The following PIEZO2 variants were observed in gnomAD, a reference collection of about 807,000 sequenced individuals.
The protein encoded by PIEZO2 is piezo-type mechanosensitive ion channel component 2.
Under a neutral mutation model 337.3 loss-of-function variants are expected in PIEZO2, and 172 were observed. The observed-to-expected ratio is 0.51, with a 90% CI of 0.45 to 0.58. The LOEUF is 0.58. Among genes scored for constraint, PIEZO2 ranks in the 20% least tolerant of loss-of-function variants. The pLI, the probability that PIEZO2 is intolerant of heterozygous loss-of-function variation, is 0.00. For synonymous variants in PIEZO2, 1,251 were observed against 1,228.5 expected, an observed-to-expected ratio of 1.02 and a Z score of -0.38; for missense variants, 3,028 against 3,391.3, an observed-to-expected ratio of 0.89 and a Z score of 2.66.
chr18:10,679,051 G>A (rs2034147840), intron 52 of PIEZO2, among the ~76,000 whole-genome samples: 1 of 151,226 alleles, frequency 6.6e-6, no homozygotes, highest in African/African-American at 2.4e-5. Flanking sequence ...TCCTGCCTCA[G>A]CCTCCTGAGT....
intron 29 of PIEZO2, among the ~76,000 whole-genome samples, chr18:10,749,424 C>T (rs558324429): frequency 2.6e-5 from 4 of 152,198 alleles, no homozygotes; most frequent in Admixed American, 1.3e-4. Context: ...GATTGTGCCA[C>T]TGTAGTTCAG....
In PIEZO2 at chr18:10,747,623, G is replaced by T. The variant is rs549407765; in HGVS notation, c.4424+848C>A. Among the ~76,000 whole-genome samples the T allele has an allele frequency of 3.9e-5, 6 of 152,266 alleles. No homozygotes were observed. The East Asian group carries it at 1.2e-3, about 29-fold the overall frequency. On this transcript the variant is annotated intron_variant, in intron 30 of 55. Coordinates refer to ENST00000674853, the MANE Select transcript of PIEZO2 (RefSeq NM_001378183.1). ...ACAAGGCTCTTCTGACTAACTGCAG[G>T]TCCCCGACTAGGGCCTCTTTCTATT...
intron 1 of PIEZO2, among the ~76,000 whole-genome samples, chr18:11,145,764 G>A (rs144872084): frequency 2.0e-5 from 3 of 151,920 alleles, no homozygotes; most frequent in Non-Finnish European, 4.4e-5. Context: ...ATCCCTGTAA[G>A]TAAGTATCAT....
chr18:10,883,813 C>CCTCTTTTTTT (rs2042494078), intron 4 of PIEZO2, among the ~76,000 whole-genome samples: 1 of 54,862 alleles, frequency 1.8e-5, no homozygotes, highest in Non-Finnish European at 3.4e-5. Context: ...ATGAGTCCTA[C>CCTCTTTTTTT]TTCTTTTTTT....
rs575881845 is a variant in PIEZO2, at chr18:10,830,571, A to C, written c.918-23297T>G. Reference sequence around the variant, plus strand: ...TTAAATCTAAGACCTCAAGCTATAAAACTACTAAAAGAAAACATTGGGAAA... The same window carrying C: ...TTAAATCTAAGACCTCAAGCTATAACACTACTAAAAGAAAACATTGGGAAA... On this transcript the variant is annotated intron_variant, in intron 7 of 55. Transcript: ENST00000674853. The surrounding 1 kb of genome is among the most constrained non-coding windows in gnomAD (Gnocchi z 4.7). 6.6e-6 allele frequency among the ~76,000 whole-genome samples: 1 copy of C among 152,036 alleles called. No homozygotes were observed. The highest frequency in any genetic ancestry group is 1.5e-5 in the Non-Finnish European group (1 of 68,004).
At position 11,132,046 on chromosome 18, in the gene PIEZO2, G is replaced by A. The variant is rs116691620; in HGVS notation, c.64+16479C>T. 6.6e-6 allele frequency among the ~76,000 whole-genome samples: 1 copy of A among 152,138 alleles called. No individual in the cohort carries two copies. The highest frequency in any genetic ancestry group is 2.1e-4 in the South Asian group (1 of 4,824). On this transcript the variant is annotated intron_variant, in intron 1 of 55. Transcript: ENST00000674853. This position sits in a 1 kb window ranked among gnomAD's most constrained non-coding sequence, Gnocchi z 4.7. ...CAGCAGAGACCAATACTGAGCCCTCGATATGTCACCTTTCCTCAGGGTGAT... is the reference window on the plus strand; with the variant it reads ...CAGCAGAGACCAATACTGAGCCCTCAATATGTCACCTTTCCTCAGGGTGAT...
chr18:11,075,167 G>A (rs1378321073), intron 1 of PIEZO2, among the ~76,000 whole-genome samples: 3 of 152,128 alleles, frequency 2.0e-5, no homozygotes, highest in African/African-American at 4.8e-5. Context: ...CAGTTCTGTC[G>A]GTCCAGTAAT....
At chr18:10,961,539 T>G (rs1443836704) in intron 3 of PIEZO2, among the ~76,000 whole-genome samples, 1 of 152,070 alleles carries the variant, frequency 6.6e-6, no homozygotes, top group Non-Finnish European at 1.5e-5. Context: ...AAATACCACA[T>G]GTACCCCAGT....
Position 10,872,387 on chromosome 18 carries a change from A to T in PIEZO2, c.330-972T>A, listed in dbSNP as rs1382597567. On this transcript the variant is annotated intron_variant, in intron 4 of 55. Transcript: ENST00000674853. This position sits in a 1 kb window ranked among gnomAD's most constrained non-coding sequence, Gnocchi z 4.3. ...AGAGATCTGTCTGGGAAGGTAATAC[A>T]AACGCCATCTGTGATTTTGGGAGGC... Among the ~76,000 whole-genome samples, 1 of 152,198 alleles carries T rather than the reference A, an allele frequency of 6.6e-6. No individual in the cohort carries two copies. Among genetic ancestry groups the T allele is most frequent in the African/African-American group, 2.4e-5 (1 of 41,452 alleles).
At chr18:10,987,406 A>ATTTTTGACAAGGGCTCTT in intron 2 of PIEZO2, among the ~76,000 whole-genome samples, 1 of 152,150 alleles carries the variant, frequency 6.6e-6, no homozygotes, top group Non-Finnish European at 1.5e-5. Flanking sequence ...GTTAACCCAC[A>ATTTTTGACAAGGGCTCTT]AATGTATAGC....
At chr18:10,731,580 C>A (rs565179499) in intron 35 of PIEZO2, 59 bp from the exon 36 acceptor site, 2 of 1,048,930 alleles carry the variant, frequency 1.9e-6, no homozygotes, top group South Asian at 1.9e-5. Flanking sequence ...TAAAAGGGAC[C>A]TACACCAAGC....
At chr18:10,890,338 T>A (rs75035792) in intron 4 of PIEZO2, 24 of 152,322 alleles carry the variant, frequency 1.6e-4, no homozygotes, top group African/African-American at 5.5e-4. Flanking sequence ...GCAAGTGCCA[T>A]GAAATATAGC....
chr18:10,904,991 T>C (rs1161473946), intron 4 of PIEZO2, among the ~76,000 whole-genome samples: 1 of 152,200 alleles, frequency 6.6e-6, no homozygotes, highest in Non-Finnish European at 1.5e-5. Flanking sequence ...AAGCACAGGC[T>C]TAAAAATGTT....
intron 7 of PIEZO2, among the ~76,000 whole-genome samples, chr18:10,845,643 G>A (rs2041334986): frequency 6.6e-6 from 1 of 152,136 alleles, no homozygotes; most frequent in Admixed American, 6.5e-5. Flanking sequence ...GCAGGTAAAG[G>A]AGCCCCATTT....
intron 1 of PIEZO2, among the ~76,000 whole-genome samples, chr18:11,124,567 T>C (rs972867430): frequency 3.3e-5 from 5 of 152,168 alleles, no homozygotes; most frequent in Non-Finnish European, 2.9e-5. Flanking sequence ...CCAAACCAGA[T>C]AGTTCCTTGA....
Position 10,740,983 on chromosome 18 carries a change from TATAAGGGTTA to T in PIEZO2, c.4708+38_4708+47del, listed in dbSNP as rs764738883. 6.2e-4 allele frequency: 933 copies of T among 1,507,724 alleles called. 1 individual carries two copies. The highest frequency in any genetic ancestry group is 7.7e-4 in the Non-Finnish European group (867 of 1,120,160). The allele number at this position is 1,507,724 out of a possible 1,614,324, so 93.4% of individuals were successfully genotyped here. A position where few individuals can be genotyped will look rare whatever the true frequency, so the allele number is the denominator to read the frequency against. ...GGAACGCCTGAATTCTGGTCAAGGA[TATAAGGGTTA>T]GAGTCGATGAGGTTGTAAGGGGATC... On this transcript the variant is annotated intron_variant, in intron 33 of 55. Coordinates refer to ENST00000674853, the MANE Select transcript of PIEZO2 (RefSeq NM_001378183.1).
At chr18:11,008,488 C>T (rs1265561042) in intron 2 of PIEZO2, among the ~76,000 whole-genome samples, 1 of 152,180 alleles carries the variant, frequency 6.6e-6, no homozygotes, top group Non-Finnish European at 1.5e-5. Context: ...TTCCCAGTTC[C>T]CAGATTGCTT....
At chr18:10,735,613 G>T (rs11080451) in intron 34 of PIEZO2, among the ~76,000 whole-genome samples, 75,468 of 151,972 alleles carry the variant, frequency 0.5, 18,717 homozygotes, top group Non-Finnish European at 0.51. Context: ...AAAAATAAAT[G>T]AGTTAAGTCA....
At chr18:10,702,901 G>A (rs1000372452) in intron 42 of PIEZO2, among the ~76,000 whole-genome samples, 8 of 152,112 alleles carry the variant, frequency 5.3e-5, no homozygotes, top group Admixed American at 6.5e-5. Context: ...TCTTGCTCAC[G>A]GTGGAGTGCA....
Sources: gnomAD v4.1 joint callset for allele counts (sites outside exome capture counted in the v4.1 genomes callset) on GRCh38, gnomAD v4.1.1 for gene constraint, Gnocchi (gnomAD v3.1) non-coding constraint, MANE v1.5 for transcripts, NCBI Gene and HGNC (gene_info 2026-07-23, HGNC 2026-07-21) for gene names.